Variants in WWC2 observed in about 807,000 individuals in gnomAD.
WWC2 encodes the protein WW and C2 domain containing 2, also known as protein WWC2.
WWC2 carries 101 observed loss-of-function variants against 138.5 expected under a neutral mutation model. The observed-to-expected ratio is 0.73, with a 90% CI of 0.62 to 0.86. The LOEUF (loss-of-function observed/expected upper bound fraction) is 0.86, where lower values mean the gene tolerates loss of function less well. Ranked by LOEUF, WWC2 falls within the 40% of genes least tolerant of loss-of-function variation. The probability of loss-of-function intolerance (pLI) is 0.00; values close to 1 mark genes in which losing one functional copy is unlikely to be tolerated. For missense variants in WWC2, 1,420 were observed against 1,419.4 expected, an observed-to-expected ratio of 1.00 and a Z score of -0.01; for synonymous variants, 558 against 538.4, an observed-to-expected ratio of 1.04 and a Z score of -0.50.
intron 1 of WWC2, among the ~76,000 whole-genome samples, chr4:183,186,928 C>G (rs956442312): frequency 1.9e-4 from 29 of 152,144 alleles, no homozygotes; most frequent in Non-Finnish European, 5.9e-5. Context: ...ATGAACTAAT[C>G]TGAAGAAGTG....
intron 1 of WWC2, among the ~76,000 whole-genome samples, chr4:183,157,349 A>G (rs897092501): frequency 2.0e-5 from 3 of 152,138 alleles, no homozygotes; most frequent in Non-Finnish European, 2.9e-5. Context: ...GGGGCACATG[A>G]TGATGTCTCT....
In WWC2 at chr4:183,268,972, T is replaced by C. The variant is rs930007353; in HGVS notation, c.2209T>C (p.Tyr737His). The C allele has an allele frequency of 1.2e-6, 2 of 1,609,634 alleles. No homozygotes were observed. The highest frequency in any genetic ancestry group is 1.3e-5 in the African/African-American group (1 of 74,668). The change falls in exon 15 of 23, where the codon TAT (tyrosine) becomes CAT (histidine). Residue 737 changes from tyrosine to histidine, a missense_variant and splice_region_variant. Tyr to His is a moderately conservative substitution (Grantham distance 83, BLOSUM62 2). Transcript: ENST00000403733. ...AFLIPHTSKV[Y>H]FRVAVLPSST... ...CCATTTTATTCTTGTTCTTTGCAGA[T>C]ATTTTAGGGTTGCCGTTCTTCCTTC...
intron 1 of WWC2, among the ~76,000 whole-genome samples, chr4:183,142,893 A>G (rs975501626): frequency 6.6e-6 from 1 of 152,332 alleles, no homozygotes. Flanking sequence ...CATAAATTAT[A>G]TATAAAATAA....
chr4:183,198,085 C>T (rs1404400628), intron 2 of WWC2, among the ~76,000 whole-genome samples: 7 of 152,130 alleles, frequency 4.6e-5, no homozygotes, highest in East Asian at 1.9e-4. Flanking sequence ...CACCTGTGGT[C>T]GCACCTACTT....
chr4:183,278,334 T>G (rs1347083916), intron 16 of WWC2, among the ~76,000 whole-genome samples: 3 of 152,192 alleles, frequency 2.0e-5, no homozygotes, highest in Admixed American at 1.3e-4. Flanking sequence ...TCCATTGATC[T>G]ATATCTCTGT....
chr4:183,187,202 C>T (rs1053217138), intron 1 of WWC2, among the ~76,000 whole-genome samples: 4 of 151,982 alleles, frequency 2.6e-5, no homozygotes, highest in African/African-American at 4.8e-5. Context: ...ACACGTTTTA[C>T]GTTTCACATA....
chr4:183,315,857 T>C lies in WWC2; in HGVS notation c.*128T>C. ...ACGTAACTGTCAACTCTTGAAGAAC[T>C]TTTATTTCACATCAGATTTTCAACA... On this transcript the variant is annotated 3_prime_UTR_variant, in exon 23 of 23. Coordinates refer to ENST00000403733, the MANE Select transcript of WWC2 (RefSeq NM_024949.6). The C allele has an allele frequency of 1.6e-6, 1 of 644,972 alleles. No homozygotes were observed. Among genetic ancestry groups the C allele is most frequent in the South Asian group, 2.1e-5 (1 of 46,726 alleles). The allele number at this position is 644,972 out of a possible 1,614,324, so 40.0% of individuals were successfully genotyped here. A position where few individuals can be genotyped will look rare whatever the true frequency, so the allele number is the denominator to read the frequency against.
At chr4:183,297,298 T>C (rs936998325) in intron 21 of WWC2, among the ~76,000 whole-genome samples, 1 of 151,934 alleles carries the variant, frequency 6.6e-6, no homozygotes, top group East Asian at 1.9e-4. Context: ...CTTTATTATC[T>C]GATGAACCAG....
chr4:183,163,810 A>C (rs1198513569), intron 1 of WWC2, among the ~76,000 whole-genome samples: 1 of 152,126 alleles, frequency 6.6e-6, no homozygotes, highest in Non-Finnish European at 1.5e-5. Context: ...TACAAAAGTG[A>C]TTTGTGATCT....
intron 1 of WWC2, among the ~76,000 whole-genome samples, chr4:183,190,324 C>G (rs1049048313): frequency 2.0e-5 from 3 of 152,138 alleles, no homozygotes; most frequent in African/African-American, 7.2e-5. Context: ...CATTTCCGTT[C>G]ACTGTATTTG....
chr4:183,210,015 T>C (rs934832251), intron 4 of WWC2, among the ~76,000 whole-genome samples: 2 of 152,222 alleles, frequency 1.3e-5, no homozygotes, highest in Non-Finnish European at 2.9e-5. Flanking sequence ...ATTTGATGGC[T>C]CGCCTTGCTC....
At chr4:183,253,721 A>C in intron 8 of WWC2, 36 bp from the exon 9 acceptor site, 1 of 1,590,086 alleles carries the variant, frequency 6.3e-7, no homozygotes, top group African/African-American at 1.4e-5. Context: ...AGGAGTTTTA[A>C]GTATGTGCAT....
At chr4:183,200,382 A>G (rs2111224875) in intron 2 of WWC2, among the ~76,000 whole-genome samples, 1 of 152,314 alleles carries the variant, frequency 6.6e-6, no homozygotes, top group South Asian at 2.1e-4. Context: ...TAACTTAAGA[A>G]CATTTCAGAT....
chr4:183,191,789 G>A (rs1236708771), intron 1 of WWC2, among the ~76,000 whole-genome samples: 2 of 151,820 alleles, frequency 1.3e-5, no homozygotes, highest in Admixed American at 6.6e-5. Context: ...ATTCAGTGGT[G>A]CGATCATGGC....
chr4:183,139,450 T>G (rs1404886763), intron 1 of WWC2, among the ~76,000 whole-genome samples: 1 of 152,186 alleles, frequency 6.6e-6, no homozygotes, highest in Admixed American at 6.5e-5. Flanking sequence ...TCCCCCACAT[T>G]TGGCTCTTTC....
At chr4:183,273,407 T>A (rs1580135476) in intron 16 of WWC2, among the ~76,000 whole-genome samples, 1 of 152,054 alleles carries the variant, frequency 6.6e-6, no homozygotes, top group African/African-American at 2.4e-5. Context: ...CAGGTTCAAG[T>A]GATTCTCCTG....
chr4:183,274,644 T>TAA (rs1737794263), intron 16 of WWC2, among the ~76,000 whole-genome samples: 1 of 152,142 alleles, frequency 6.6e-6, no homozygotes, highest in Non-Finnish European at 1.5e-5. Flanking sequence ...ACTGGGCTTT[T>TAA]AAAAGTTTTG....
intron 1 of WWC2, among the ~76,000 whole-genome samples, chr4:183,166,198 T>A (rs950328233): frequency 3.3e-5 from 5 of 152,224 alleles, no homozygotes; most frequent in African/African-American, 4.8e-5. Flanking sequence ...AAGACACAGA[T>A]ACTGAAAGCT....
At chr4:183,105,185 A>C (rs1004625008) in intron 1 of WWC2, among the ~76,000 whole-genome samples, 2 of 152,178 alleles carry the variant, frequency 1.3e-5, no homozygotes, top group African/African-American at 2.4e-5. Context: ...CTGGCATACT[A>C]TTATCTTTAA....
Sources: gnomAD v4.1 joint callset for allele counts (sites outside exome capture counted in the v4.1 genomes callset) on GRCh38, gnomAD v4.1.1 for gene constraint, MANE v1.5 for transcripts, NCBI Gene and HGNC (gene_info 2026-07-23, HGNC 2026-07-21) for gene names.